SLC2A12: variants seen among roughly 807,000 people sequenced by gnomAD.
SLC2A12 encodes the protein solute carrier family 2, facilitated glucose transporter member 12.
Under a neutral mutation model 41.8 loss-of-function variants are expected in SLC2A12, and 23 were observed. That is an observed-to-expected ratio of 0.55 (90% CI 0.40 to 0.78). The LOEUF (loss-of-function observed/expected upper bound fraction) is 0.78. Ranked by LOEUF, SLC2A12 falls within the 30% of genes least tolerant of loss-of-function variation. SLC2A12 has a pLI of 0.00. For missense variants in SLC2A12, 654 were observed against 745.6 expected, an observed-to-expected ratio of 0.88 and a Z score of 1.43; for synonymous variants, 295 against 285.9, an observed-to-expected ratio of 1.03 and a Z score of -0.32.
chr6:134,011,421 A>C lies in SLC2A12; in HGVS notation c.1445-4487T>G, dbSNP rs182815604. On this transcript the variant is annotated intron_variant, in intron 2 of 4. Coordinates refer to ENST00000275230, the MANE Select transcript of SLC2A12 (RefSeq NM_145176.3). ...TGGATCGCTTGAGCCCAGGAGTTTGAGACCAGCCTGGGCAATGTAGTGAAA... is the reference window on the plus strand; with the variant it reads ...TGGATCGCTTGAGCCCAGGAGTTTGCGACCAGCCTGGGCAATGTAGTGAAA... 6.4e-4 allele frequency among the ~76,000 whole-genome samples: 97 copies of C among 152,176 alleles called. 1 individual carries two copies. The highest frequency in any genetic ancestry group is 6.3e-3 in the Admixed American group (97 of 15,288).
At chr6:134,037,257 T>G (rs754985408) in intron 1 of SLC2A12, among the ~76,000 whole-genome samples, 1 of 148,076 alleles carries the variant, frequency 6.8e-6, no homozygotes, top group Non-Finnish European at 1.5e-5. Flanking sequence ...CAGGTTCAAG[T>G]GATGCTCCTT....
intron 2 of SLC2A12, among the ~76,000 whole-genome samples, chr6:134,015,382 T>C (rs1198929175): frequency 2.0e-5 from 3 of 152,100 alleles, no homozygotes; most frequent in African/African-American, 7.2e-5. Flanking sequence ...ACCTAGGTGG[T>C]GGGTTGATCT....
At chr6:134,005,185 T>C (rs1029365369) in intron 3 of SLC2A12, among the ~76,000 whole-genome samples, 4 of 152,362 alleles carry the variant, frequency 2.6e-5, no homozygotes, top group African/African-American at 9.6e-5. Flanking sequence ...TATATAAATC[T>C]AATTTGTGGT....
chr6:134,003,213 G>A (rs1280306113), intron 3 of SLC2A12, among the ~76,000 whole-genome samples: 3 of 152,152 alleles, frequency 2.0e-5, no homozygotes, highest in Non-Finnish European at 4.4e-5. Context: ...AAGCAGGAAG[G>A]AGGAACCGCA....
intron 2 of SLC2A12, among the ~76,000 whole-genome samples, chr6:134,023,493 T>A (rs1326308184): frequency 6.6e-6 from 1 of 151,982 alleles, no homozygotes; most frequent in Non-Finnish European, 1.5e-5. Flanking sequence ...CAGTGAAGCA[T>A]GGAGGGGGAA....
chr6:134,021,125 G>A (rs1371872118), intron 2 of SLC2A12, among the ~76,000 whole-genome samples: 1 of 152,154 alleles, frequency 6.6e-6, no homozygotes, highest in Admixed American at 6.5e-5. Context: ...GTGATGGATT[G>A]TTCTGCAAAA....
In SLC2A12 at chr6:134,028,686, T is replaced by C. The variant is rs1285785504; in HGVS notation, c.1139A>G (p.Asn380Ser). ...MNFTHICRSH[N>S]SINQSLDESV... ...CTCATCCAAGGACTGGTTGATAGAA[T>C]TGTGGCTTCTGCAGATATGGGTGAA... is the stretch of plus-strand genomic sequence containing the variant. The change falls in exon 2 of 5, where the codon AAT becomes AGT. Residue 380 changes from asparagine (N) to serine (S), a missense_variant. Asn to Ser is a conservative substitution (Grantham distance 46). This residue lies in a region of SLC2A12 where 411 missense variants were observed against 412.1 expected (regional missense o/e 1.00). Coordinates refer to ENST00000275230, the MANE Select transcript of SLC2A12 (RefSeq NM_145176.3). The C allele has an allele frequency of 6.2e-7, 1 of 1,614,210 alleles. No individual in the cohort carries two copies. The highest frequency in any genetic ancestry group is 1.7e-5 in the Admixed American group (1 of 60,026).
At chr6:133,995,616 T>C (rs779951686) in intron 4 of SLC2A12, among the ~76,000 whole-genome samples, 5 of 152,196 alleles carry the variant, frequency 3.3e-5, no homozygotes, top group Non-Finnish European at 7.3e-5. Flanking sequence ...AGGTCCGTGG[T>C]CATGATGGAA....
chr6:134,002,051 A>G lies in SLC2A12; in HGVS notation c.1646T>C (p.Ile549Thr), dbSNP rs1776760212. 1.2e-6 allele frequency: 2 copies of G among 1,605,636 alleles called. No individual in the cohort carries two copies. The highest frequency in any genetic ancestry group is 1.1e-5 in the South Asian group (1 of 89,498). ...LASLLFVVMF[I>T]PETKGCSLEQ... The stretch of plus-strand genomic sequence containing the variant: ...CAAAGAGCATCCCTTTGTCTCAGGT[A>G]TAAACATAACAACAAAAAGCAGGGA... Residue 549 changes from isoleucine to threonine, a missense_variant, in exon 4 of 5, where the codon ATA becomes ACA. Ile to Thr is a moderately conservative substitution (Grantham distance 89). Around this residue, in one of 3 missense-constraint regions of SLC2A12, gnomAD observed 134 missense variants for 180.5 expected, o/e 0.74. Coordinates refer to ENST00000275230, the MANE Select transcript of SLC2A12 (RefSeq NM_145176.3).
chr6:134,031,287 G>A (rs2114483189), intron 1 of SLC2A12, among the ~76,000 whole-genome samples: 1 of 152,212 alleles, frequency 6.6e-6, no homozygotes, highest in Middle Eastern at 3.4e-3. Context: ...AGCTACTCAG[G>A]AGGCTGAGGC....
chr6:134,024,875 G>A (rs1582613871), intron 2 of SLC2A12, among the ~76,000 whole-genome samples: 1 of 152,318 alleles, frequency 6.6e-6, no homozygotes, highest in South Asian at 2.1e-4. Context: ...CTTCTAATTT[G>A]TTTAAGCCAT....
At chr6:134,006,176 G>GAAAAAAAAAAAAAAAAAAAAAAAA (rs1182572567) in intron 3 of SLC2A12, among the ~76,000 whole-genome samples, 2 of 61,788 alleles carry the variant, frequency 3.2e-5, no homozygotes, top group East Asian at 4.1e-4. Flanking sequence ...GAGACTATCG[G>GAAAAAAAAAAAAAAAAAAAAAAAA]AAAAAAAAAA....
rs1216511561 is a variant in SLC2A12 at position 133,987,753 on chromosome 6, G to A, written c.*3402C>T. 2.6e-5 allele frequency: 4 copies of A among 152,022 alleles called. No individual in the cohort carries two copies. The highest frequency in any genetic ancestry group is 6.6e-5 in the Admixed American group (1 of 15,204). 9.4% of individuals were successfully genotyped at this position (152,022 alleles called of 1,614,324 possible). A position where few individuals can be genotyped will look rare whatever the true frequency, so the allele number is the denominator to read the frequency against. On this transcript the variant is annotated 3_prime_UTR_variant, in exon 5 of 5. Transcript: ENST00000275230. ...TTTCTTGCAGATTAGAAATAAAAAC[G>A]TGTATATAAACTCTAGGGAACCAGA...
intron 2 of SLC2A12, among the ~76,000 whole-genome samples, chr6:134,010,588 T>C (rs1776866916): frequency 1.3e-5 from 2 of 152,180 alleles, no homozygotes; most frequent in Admixed American, 1.3e-4. Flanking sequence ...CTTGTCTATG[T>C]TGCAATAATG....
chr6:134,036,629 G>GTGAA (rs987692572), intron 1 of SLC2A12, among the ~76,000 whole-genome samples: 12 of 152,102 alleles, frequency 7.9e-5, no homozygotes, highest in African/African-American at 2.2e-4. Context: ...TGTTTGTCGA[G>GTGAA]TGAATGAATG....
chr6:134,029,834 C>A, intron 1 of SLC2A12, 113 bp from the exon 2 acceptor site: 1 of 1,265,494 alleles, frequency 7.9e-7, no homozygotes, highest in South Asian at 1.6e-5. Context: ...TGGGTTTAAA[C>A]GAACACACAA....
chr6:134,010,835 T>C (rs1562194104), intron 2 of SLC2A12, among the ~76,000 whole-genome samples: 1 of 152,154 alleles, frequency 6.6e-6, no homozygotes, highest in Non-Finnish European at 1.5e-5. Context: ...TTCATAGGGG[T>C]ATTCAATGGA....
intron 1 of SLC2A12, among the ~76,000 whole-genome samples, chr6:134,038,427 T>G (rs1384544557): frequency 6.9e-6 from 1 of 143,952 alleles, no homozygotes; most frequent in African/African-American, 2.6e-5. Flanking sequence ...AGTGGTGCGA[T>G]CTCGGCTCAC....
chr6:133,990,025 TAAC>T lies in SLC2A12; in HGVS notation c.*1127_*1129del, dbSNP rs985249736. The T allele has an allele frequency of 2.0e-5, 3 of 152,514 alleles. No individual in the cohort carries two copies. Among genetic ancestry groups the T allele is most frequent in the Non-Finnish European group, 4.4e-5 (3 of 68,044 alleles). 9.4% of individuals were successfully genotyped at this position (152,514 alleles called of 1,614,324 possible). ...CCCAAATTTTATTAGTAAGACCTCT[TAAC>T]AAGTCTTTAAAATCAACTGGAGAAG... On this transcript the variant is annotated 3_prime_UTR_variant, in exon 5 of 5. Transcript: ENST00000275230.
Sources: allele counts gnomAD v4.1 joint callset (sites outside exome capture counted in the v4.1 genomes callset), GRCh38; gene constraint gnomAD v4.1.1; regional missense constraint gnomAD v4.1.1; transcripts MANE v1.5; gene names NCBI Gene and HGNC (gene_info 2026-07-23, HGNC 2026-07-21).